The following CAPRIN1 variants were observed in gnomAD, a reference collection of about 807,000 sequenced individuals.
CAPRIN1 encodes caprin-1.
Under a neutral mutation model 100.9 loss-of-function variants are expected in CAPRIN1, and 29 were observed. That is an observed-to-expected ratio of 0.29 (90% CI 0.21 to 0.39). The LOEUF (loss-of-function observed/expected upper bound fraction) is 0.39. CAPRIN1 is among the 10% of genes least tolerant of loss of function. The pLI is 1.00. For missense variants in CAPRIN1, 795 were observed against 876.7 expected (o/e 0.91, Z 1.18); for synonymous variants, 338 against 307.5 (o/e 1.10, Z -1.04).
At chr11:34,076,907 G>A (rs1850919468) in intron 6 of CAPRIN1, among the ~76,000 whole-genome samples, 1 of 151,828 alleles carries the variant, frequency 6.6e-6, no homozygotes, top group Non-Finnish European at 1.5e-5. Flanking sequence ...GCTATTTTTT[G>A]TATTTTTAGT....
At chr11:34,083,457 A>C (rs542693467) in intron 9 of CAPRIN1, among the ~76,000 whole-genome samples, 1 of 152,298 alleles carries the variant, frequency 6.6e-6, no homozygotes, top group East Asian at 1.9e-4. Context: ...CTCTCAACTG[A>C]TAATGATGAT....
Position 34,082,837 on chromosome 11 carries a change from C to T in CAPRIN1, c.839C>T (p.Ala280Val). 6.2e-7 allele frequency: 1 copy of T among 1,613,524 alleles called. No individual in the cohort carries two copies. The highest frequency in any genetic ancestry group is 8.5e-7 in the Non-Finnish European group (1 of 1,179,836). ...TTTAACCTCTTAGAACCTGAGCCAGCAGAAGAGTACACTGAGCAAAGTGAA... is the reference window on the plus strand; with the variant it reads ...TTTAACCTCTTAGAACCTGAGCCAGTAGAAGAGTACACTGAGCAAAGTGAA... ...DQVPEAEPEPAEEYTEQSEVE... is the reference protein window; with the variant it reads ...DQVPEAEPEPVEEYTEQSEVE... Residue 280 changes from alanine to valine, a missense_variant, in exon 8 of 19, where the codon GCA becomes GTA. Physicochemically the swap from Ala to Val is moderately conservative, Grantham distance 64. Transcript: ENST00000341394.
At position 34,102,505 on chromosome 11, in the gene CAPRIN1, T is replaced by C; in HGVS notation, c.*3138T>C. ...GACCCCTCAGGAAAACGAAAGTAAA[T>C]TGTTAAGGCTCATCTTCATACCTTT... On this transcript the variant is annotated 3_prime_UTR_variant, in exon 19 of 19. Coordinates refer to ENST00000341394, the MANE Select transcript of CAPRIN1 (RefSeq NM_005898.5). 6.6e-6 allele frequency among the ~76,000 whole-genome samples: 1 copy of C among 152,310 alleles called. No homozygotes were observed. The highest frequency in any genetic ancestry group is 2.4e-5 in the African/African-American group (1 of 41,576).
intron 2 of CAPRIN1, among the ~76,000 whole-genome samples, chr11:34,068,152 A>G (rs1850736185): frequency 6.6e-6 from 1 of 152,214 alleles, no homozygotes; most frequent in Non-Finnish European, 1.5e-5. Flanking sequence ...AACCACAGGG[A>G]TTGCTGATCA....
chr11:34,091,695 T>A lies in CAPRIN1; in HGVS notation c.1555-211T>A, dbSNP rs7114442. The A allele has an allele frequency of 1.9e-3, 828 of 434,138 alleles. 3 individuals carry two copies. The highest frequency in any genetic ancestry group is 2.5e-3 in the Non-Finnish European group (612 of 246,862). 26.9% of individuals were successfully genotyped at this position (434,138 alleles called of 1,614,324 possible). On this transcript the variant is annotated intron_variant, in intron 14 of 18. Transcript: ENST00000341394. The stretch of plus-strand genomic sequence containing the variant: ...TTCCCTACTTCCATTTCACAGCATA[T>A]TATACTCCCCTTTAAGTACTATATG...
chr11:34,051,973 C>T (rs967340455), intron 1 of CAPRIN1, 102 bp downstream of exon 1: 21 of 152,194 alleles, frequency 1.4e-4, no homozygotes, highest in African/African-American at 5.1e-4. Flanking sequence ...GGCTTGCCCC[C>T]AAGTCCCCCC....
At chr11:34,069,775 G>A (rs182030378) in intron 2 of CAPRIN1, among the ~76,000 whole-genome samples, 1 of 152,046 alleles carries the variant, frequency 6.6e-6, no homozygotes, top group East Asian at 1.9e-4. Context: ...AGCCTTTAAT[G>A]TCTTAGTGAT....
chr11:34,081,558 A>G (rs970440516), intron 7 of CAPRIN1, among the ~76,000 whole-genome samples: 1 of 150,440 alleles, frequency 6.6e-6, no homozygotes, highest in African/African-American at 2.5e-5. Flanking sequence ...TAGTCGCATG[A>G]TCTTGGCTCA....
intron 14 of CAPRIN1, 62 bp from the exon 15 acceptor site, chr11:34,091,844 T>A (rs1417866625): frequency 2.7e-6 from 4 of 1,467,940 alleles, no homozygotes; most frequent in Non-Finnish European, 3.7e-6. Context: ...CCATTGAGTT[T>A]GGCCATGTTA....
At chr11:34,094,104 G>A (rs924652183) in intron 15 of CAPRIN1, among the ~76,000 whole-genome samples, 24 of 152,174 alleles carry the variant, frequency 1.6e-4, no homozygotes, top group African/African-American at 5.5e-4. Context: ...TATAATCCCA[G>A]CTACATTTGA....
intron 2 of CAPRIN1, among the ~76,000 whole-genome samples, chr11:34,064,294 C>T (rs1051680561): frequency 6.6e-6 from 1 of 152,188 alleles, no homozygotes; most frequent in African/African-American, 2.4e-5. Context: ...GTCAATGTGA[C>T]AAGCTATTCC....
chr11:34,066,383 G>A (rs777731459), intron 2 of CAPRIN1, among the ~76,000 whole-genome samples: 12 of 151,978 alleles, frequency 7.9e-5, no homozygotes, highest in Non-Finnish European at 1.5e-4. Flanking sequence ...ACCCAGGCTG[G>A]AGTGCAGTGG....
At chr11:34,090,891 G>A (rs989812061) in intron 14 of CAPRIN1, among the ~76,000 whole-genome samples, 2 of 152,174 alleles carry the variant, frequency 1.3e-5, no homozygotes, top group African/African-American at 4.8e-5. Context: ...TGAGTGATGT[G>A]CCTGTATCAT....
intron 2 of CAPRIN1, chr11:34,053,169 G>T (rs1850367288): frequency 1.0e-6 from 1 of 987,422 alleles, no homozygotes; most frequent in South Asian, 4.5e-5. Flanking sequence ...GGAGAGAAGT[G>T]TGTTTAGAAT....
chr11:34,060,422 C>G (rs1850553839), intron 2 of CAPRIN1, among the ~76,000 whole-genome samples: 1 of 152,142 alleles, frequency 6.6e-6, no homozygotes, highest in African/African-American at 2.4e-5. Flanking sequence ...TCATTCCAAC[C>G]TTGAACTCTT....
chr11:34,061,929 C>T (rs953664576), intron 2 of CAPRIN1, among the ~76,000 whole-genome samples: 3 of 146,970 alleles, frequency 2.0e-5, no homozygotes, highest in Admixed American at 1.4e-4. Context: ...AAGATCGCAC[C>T]ACTACACTCC....
chr11:34,052,936 T>TG (rs1254653464), intron 2 of CAPRIN1: 2 of 1,238,668 alleles, frequency 1.6e-6, no homozygotes, highest in African/African-American at 1.6e-5. Flanking sequence ...CATGTGAGGG[T>TG]GGGGGCCTGT....
intron 2 of CAPRIN1, among the ~76,000 whole-genome samples, chr11:34,068,413 G>A (rs969526368): frequency 6.6e-6 from 1 of 152,180 alleles, no homozygotes; most frequent in South Asian, 2.1e-4. Flanking sequence ...GTAGTGCCAA[G>A]GTCACATTTT....
chr11:34,088,125 C>T (rs931140722), intron 11 of CAPRIN1, among the ~76,000 whole-genome samples: 1 of 152,152 alleles, frequency 6.6e-6, no homozygotes, highest in African/African-American at 2.4e-5. Context: ...GCCTCAGCCT[C>T]CCCAGTAGCT....
Sources: gnomAD v4.1 joint callset for allele counts (sites outside exome capture counted in the v4.1 genomes callset) on GRCh38, gnomAD v4.1.1 for gene constraint, MANE v1.5 for transcripts, NCBI Gene and HGNC (gene_info 2026-07-23, HGNC 2026-07-21) for gene names.